The following CDH13 variants were observed in gnomAD, a reference collection of about 807,000 sequenced individuals.
The protein encoded by CDH13 is cadherin 13, also known as cadherin-13.
CDH13 carries 24 observed loss-of-function variants against 63.8 expected under a neutral mutation model. The observed-to-expected ratio is 0.38, with a 90% CI of 0.27 to 0.53. CDH13 has a LOEUF of 0.53. CDH13 is among the 20% of genes least tolerant of loss of function. CDH13 has a pLI of 0.85. For missense variants in CDH13, 1,049 were observed against 903.1 expected, an observed-to-expected ratio of 1.16 and a Z score of -2.07; for synonymous variants, 503 against 355.3, an observed-to-expected ratio of 1.42 and a Z score of -4.67.
At chr16:83,372,169 A>T (rs1389773779) in intron 6 of CDH13, among the ~76,000 whole-genome samples, 1 of 152,150 alleles carries the variant, frequency 6.6e-6, no homozygotes. Context: ...ACAGCTTTGT[A>T]TGGGAGGTTC....
chr16:83,121,825 G>C (rs2035591056), intron 3 of CDH13, among the ~76,000 whole-genome samples: 1 of 152,198 alleles, frequency 6.6e-6, no homozygotes, highest in African/African-American at 2.4e-5. Context: ...AATATTGCCT[G>C]ATTACTTTTC....
intron 8 of CDH13, among the ~76,000 whole-genome samples, chr16:83,669,935 T>C (rs1914355304): frequency 6.6e-6 from 1 of 152,234 alleles, no homozygotes; most frequent in South Asian, 2.1e-4. Flanking sequence ...CTTTATGCTT[T>C]CGGCTCAAAG....
At chr16:83,055,980 C>G (rs1023163683) in intron 3 of CDH13, among the ~76,000 whole-genome samples, 14 of 152,046 alleles carry the variant, frequency 9.2e-5, no homozygotes, top group African/African-American at 3.4e-4. Flanking sequence ...TTATCTAGGA[C>G]ATGTTAACAA....
chr16:83,284,944 G>C (rs1044596973), intron 5 of CDH13, among the ~76,000 whole-genome samples: 2 of 152,134 alleles, frequency 1.3e-5, no homozygotes, highest in African/African-American at 2.4e-5. Flanking sequence ...GCTGTTTTCT[G>C]ACTGAATTTT....
chr16:83,016,218 AC>A (rs1914780111), intron 2 of CDH13, among the ~76,000 whole-genome samples: 1 of 152,210 alleles, frequency 6.6e-6, no homozygotes, highest in African/African-American at 2.4e-5. Flanking sequence ...CCACGTATGC[AC>A]ACAAGAATTA....
intron 5 of CDH13, among the ~76,000 whole-genome samples, chr16:83,301,947 G>A (rs1398719302): frequency 6.7e-6 from 1 of 148,352 alleles, no homozygotes; most frequent in East Asian, 2.0e-4. Flanking sequence ...AGATCAATGA[G>A]ACTTCAATAA....
At chr16:83,017,147 C>G (rs1468161440) in intron 2 of CDH13, among the ~76,000 whole-genome samples, 1 of 152,200 alleles carries the variant, frequency 6.6e-6, no homozygotes, top group Non-Finnish European at 1.5e-5. Context: ...TCTTGACTAT[C>G]TTTAATGGGT....
intron 6 of CDH13, among the ~76,000 whole-genome samples, chr16:83,421,678 G>T (rs964618966): frequency 4.6e-5 from 7 of 152,192 alleles, no homozygotes; most frequent in Non-Finnish European, 1.0e-4. Context: ...CACCCCTACT[G>T]TTGAGGAGAC....
chr16:83,026,737 C>G (rs1404267424), intron 2 of CDH13, among the ~76,000 whole-genome samples: 1 of 152,130 alleles, frequency 6.6e-6, no homozygotes, highest in African/African-American at 2.4e-5. Context: ...GAGCGTAGCA[C>G]TCAGGGACCA....
intron 4 of CDH13, among the ~76,000 whole-genome samples, chr16:83,134,591 G>C (rs961424356): frequency 2.2e-4 from 9 of 40,118 alleles, no homozygotes; most frequent in Non-Finnish European, 4.3e-4. Flanking sequence ...GAGAGAGAGA[G>C]AGTGAGTTAC....
intron 6 of CDH13, among the ~76,000 whole-genome samples, chr16:83,396,240 C>G (rs1280261599): frequency 6.6e-6 from 1 of 152,106 alleles, no homozygotes; most frequent in Admixed American, 6.5e-5. Flanking sequence ...TTGTGTTTCA[C>G]CTTGTTGAAC....
chr16:83,792,283 G>A (rs991990063), intron 13 of CDH13, among the ~76,000 whole-genome samples: 8 of 152,332 alleles, frequency 5.3e-5, no homozygotes, highest in African/African-American at 7.2e-5. Flanking sequence ...TGCACCTTGC[G>A]CATGCAAGCT....
intron 8 of CDH13, among the ~76,000 whole-genome samples, chr16:83,644,656 A>G (rs1052968966): frequency 1.3e-5 from 2 of 152,192 alleles, no homozygotes; most frequent in Non-Finnish European, 2.9e-5. Flanking sequence ...GGGCTGCCAT[A>G]CAGAGGATGA....
intron 6 of CDH13, among the ~76,000 whole-genome samples, chr16:83,478,865 A>G (rs2073683690): frequency 6.6e-6 from 1 of 152,156 alleles, no homozygotes; most frequent in Admixed American, 6.5e-5. Context: ...AAAAAAAGAA[A>G]AAGCTGAATG....
At chr16:83,784,648 A>G (rs1915760083) in intron 13 of CDH13, among the ~76,000 whole-genome samples, 2 of 150,794 alleles carry the variant, frequency 1.3e-5, no homozygotes, top group East Asian at 1.9e-4. Flanking sequence ...AAAAAAAAAA[A>G]GGAAACAAGA....
intron 2 of CDH13, among the ~76,000 whole-genome samples, chr16:82,925,157 C>G (rs1234927250): frequency 6.6e-6 from 1 of 152,134 alleles, no homozygotes; most frequent in Admixed American, 6.5e-5. Context: ...AGCCCCTGGC[C>G]CTCTGTCAGG....
chr16:82,897,775 A>G (rs2041318720), intron 2 of CDH13, among the ~76,000 whole-genome samples: 1 of 152,260 alleles, frequency 6.6e-6, no homozygotes, highest in African/African-American at 2.4e-5. Flanking sequence ...GGGAAATAGC[A>G]ATGAATCCTA....
At chr16:83,575,038 C>T (rs1398248618) in intron 7 of CDH13, among the ~76,000 whole-genome samples, 24 of 152,114 alleles carry the variant, frequency 1.6e-4, no homozygotes, top group Non-Finnish European at 2.9e-5. Flanking sequence ...TGGGCCTGTC[C>T]ATACAATAGA....
chr16:83,426,907 C>CTTTTTTTTTTTTT lies in CDH13; in HGVS notation c.782-59550_782-59538dup, dbSNP rs71148833. On this transcript the variant is annotated intron_variant, in intron 6 of 13. Coordinates refer to ENST00000567109, the MANE Select transcript of CDH13 (RefSeq NM_001257.5). The stretch of plus-strand genomic sequence containing the variant: ...TCAGAATCTATAAATATGTTTCTTT[C>CTTTTTTTTTTTTT]TTTTTTTTTTTTTTTTTTTTTTTTT... Among the ~76,000 whole-genome samples, 20 of 63,184 alleles carry CTTTTTTTTTTTTT rather than the reference C, an allele frequency of 3.2e-4. 3 individuals are homozygous for CTTTTTTTTTTTTT. Among genetic ancestry groups the CTTTTTTTTTTTTT allele is most frequent in the Non-Finnish European group, 3.6e-4 (13 of 35,792 alleles). The allele number at this position is 63,184 out of a possible 152,430, so 41.5% of individuals were successfully genotyped here. A position where few individuals can be genotyped will look rare whatever the true frequency, so the allele number is the denominator to read the frequency against.
Sources: allele counts gnomAD v4.1 joint callset (sites outside exome capture counted in the v4.1 genomes callset), GRCh38; gene constraint gnomAD v4.1.1; transcripts MANE v1.5; gene names NCBI Gene and HGNC (gene_info 2026-07-23, HGNC 2026-07-21).